AEBP2: variants seen among roughly 807,000 people sequenced by gnomAD.
The protein encoded by AEBP2 is zinc finger protein AEBP2.
AEBP2 carries 10 observed loss-of-function variants against 50.8 expected under a neutral mutation model. That is an observed-to-expected ratio of 0.20 (90% confidence interval 0.12 to 0.33). The LOEUF (loss-of-function observed/expected upper bound fraction) is 0.33. AEBP2 is among the 10% of genes least tolerant of loss of function. AEBP2 has a pLI of 1.00. For synonymous variants in AEBP2, 296 were observed against 261.3 expected (o/e 1.13, Z -1.28); for missense variants, 570 against 688.0 (o/e 0.83, Z 1.92).
intron 1 of AEBP2, among the ~76,000 whole-genome samples, chr12:19,461,311 A>G (rs1370448786): frequency 1.3e-5 from 2 of 152,202 alleles, no homozygotes; most frequent in African/African-American, 2.4e-5. Flanking sequence ...AAAAAAGAAA[A>G]TAAGTGAATT....
At position 19,439,955 on chromosome 12, in the gene AEBP2, A is replaced by G; in HGVS notation, c.256A>G (p.Ser86Gly). 6.6e-7 allele frequency: 1 copy of G among 1,514,338 alleles called. No homozygotes were observed. The highest frequency in any genetic ancestry group is 8.8e-7 in the Non-Finnish European group (1 of 1,138,988). 93.8% of individuals were successfully genotyped at this position (1,514,338 alleles called of 1,614,324 possible). A position where few individuals can be genotyped will look rare whatever the true frequency, so the allele number is the denominator to read the frequency against. The change falls in exon 1 of 8, where the codon AGC (serine) becomes GGC (glycine). Residue 86 changes from serine to glycine, a missense_variant. Ser to Gly is a moderately conservative substitution (Grantham distance 56, BLOSUM62 0). This residue lies in a region of AEBP2 where 386 missense variants were observed against 336.8 expected (regional missense o/e 1.15). Transcript: ENST00000266508. Reference sequence around the variant, plus strand: ...CGAGGCAGAGACGATGTCGGAGCCGAGCCCCGAGAGCGCCAGCCAGGCCGG... The same window carrying G: ...CGAGGCAGAGACGATGTCGGAGCCGGGCCCCGAGAGCGCCAGCCAGGCCGG... Reference protein sequence around the residue: ...GGEAETMSEPSPESASQAGED... With the variant: ...GGEAETMSEPGPESASQAGED...
rs768416396 is a variant in AEBP2 at position 19,427,400 on chromosome 12, C to G, written c.-17+23184C>G. ...CTCAAAAAAAAAAAAAAAAAAAAAACGCAGAGGAAGGGTGAACTCTCTCTG... is the reference window on the plus strand; with the variant it reads ...CTCAAAAAAAAAAAAAAAAAAAAAAGGCAGAGGAAGGGTGAACTCTCTCTG... On this transcript the variant is annotated intron_variant, in intron 1 of 3. Transcript: ENST00000538425. Among the ~76,000 whole-genome samples the G allele has an allele frequency of 1.6e-3, 208 of 128,656 alleles. 2 individuals carry two copies. The highest frequency in any genetic ancestry group is 2.6e-3 in the Non-Finnish European group (158 of 61,024). The allele number at this position is 128,656 out of a possible 152,430, so 84.4% of individuals were successfully genotyped here. A position where few individuals can be genotyped will look rare whatever the true frequency, so the allele number is the denominator to read the frequency against.
chr12:19,482,137 G>A (rs148281233), intron 3 of AEBP2, among the ~76,000 whole-genome samples: 2 of 152,136 alleles, frequency 1.3e-5, no homozygotes, highest in East Asian at 3.9e-4. Context: ...TAGGGATGGG[G>A]CTTCCTGAGA....
At chr12:19,460,905 C>A (rs969407078) in intron 1 of AEBP2, among the ~76,000 whole-genome samples, 2 of 152,088 alleles carry the variant, frequency 1.3e-5, no homozygotes, top group African/African-American at 4.8e-5. Flanking sequence ...CTGCCTGCTG[C>A]GGCCTCCCAA....
At position 19,410,613 on chromosome 12, in the gene AEBP2, C is replaced by G. The variant is rs576191932; in HGVS notation, c.-17+6397C>G. On this transcript the variant is annotated intron_variant, in intron 1 of 3. Coordinates refer to the AEBP2 transcript ENST00000538425. Reference sequence around the variant, plus strand: ...TTTCGTGACCTTCATCTACCCCCTTCCCCAACCAAAAGATTTTTGTATTCT... The same window carrying G: ...TTTCGTGACCTTCATCTACCCCCTTGCCCAACCAAAAGATTTTTGTATTCT... 2.6e-5 allele frequency among the ~76,000 whole-genome samples: 4 copies of G among 152,256 alleles called. 1 individual carries two copies. Among genetic ancestry groups the G allele is most frequent in the African/African-American group, 9.6e-5 (4 of 41,560 alleles).
intron 1 of AEBP2, among the ~76,000 whole-genome samples, chr12:19,444,589 A>G (rs190575385): frequency 2.2e-4 from 34 of 152,324 alleles, no homozygotes; most frequent in African/African-American, 7.7e-4. Flanking sequence ...CTATATTTCA[A>G]TTTTTGAGTA....
At chr12:19,474,847 C>T (rs1444462604) in intron 3 of AEBP2, among the ~76,000 whole-genome samples, 1 of 151,886 alleles carries the variant, frequency 6.6e-6, no homozygotes, top group Non-Finnish European at 1.5e-5. Context: ...GGCTGGGGTA[C>T]AGTGGCATGA....
At chr12:19,465,103 G>A (rs79307334) in intron 2 of AEBP2, among the ~76,000 whole-genome samples, 3,233 of 152,096 alleles carry the variant, frequency 0.021, 41 homozygotes, top group East Asian at 0.043. Context: ...TTTTAAGAGT[G>A]ATGCTGTTTG....
At chr12:19,430,993 T>C (rs2095751122) in intron 1 of AEBP2, among the ~76,000 whole-genome samples, 5 of 132,692 alleles carry the variant, frequency 3.8e-5, no homozygotes, top group Admixed American at 3.4e-4. Flanking sequence ...GTCCAGGCAA[T>C]AGAGCCAGAC....
intron 3 of AEBP2, among the ~76,000 whole-genome samples, chr12:19,480,668 T>C (rs1171665933): frequency 1.3e-5 from 2 of 152,228 alleles, no homozygotes; most frequent in African/African-American, 4.8e-5. Flanking sequence ...GTTAATCTGA[T>C]AGGTTTTTCT....
intron 5 of AEBP2, chr12:19,509,045 A>G: frequency 1.7e-6 from 1 of 591,686 alleles, no homozygotes; most frequent in South Asian, 1.5e-5. Flanking sequence ...TGCATGTGGC[A>G]TGTGCCCAGG....
intron 6 of AEBP2, among the ~76,000 whole-genome samples, chr12:19,512,763 C>A (rs1949254161): frequency 6.6e-6 from 1 of 151,764 alleles, no homozygotes. Flanking sequence ...GCCTGGCCAA[C>A]GTGGTAAAAC....
rs924244458 is a variant in AEBP2 at position 19,519,338 on chromosome 12, C to T, written c.*1221C>T. Reference sequence around the variant, plus strand: ...AGGATATTGTACTTCACTAGTGCTGCCAGAGGAATTGTTAATAAAAGCACC... The same window carrying T: ...AGGATATTGTACTTCACTAGTGCTGTCAGAGGAATTGTTAATAAAAGCACC... On this transcript the variant is annotated 3_prime_UTR_variant, in exon 8 of 8. Coordinates refer to ENST00000266508, the MANE Select transcript of AEBP2 (RefSeq NM_153207.5). The T allele has an allele frequency of 3.3e-5, 5 of 152,432 alleles. No homozygotes were observed. Among genetic ancestry groups the T allele is most frequent in the African/African-American group, 7.2e-5 (3 of 41,414 alleles). 9.4% of individuals were successfully genotyped at this position (152,432 alleles called of 1,614,324 possible).
Position 19,493,655 on chromosome 12 carries a change from C to T in AEBP2, c.988-145C>T, listed in dbSNP as rs550173598. On this transcript the variant is annotated intron_variant, in intron 3 of 7. Transcript: ENST00000266508. ...CAACTTACTTCGTAAAGTGAAAAGA[C>T]TACTAGTCCCTTATGCTTCCTTTCT... The T allele has an allele frequency of 5.4e-6, 4 of 741,330 alleles. No homozygotes were observed. In the South Asian group the frequency reaches 9.5e-5, roughly 18 times the overall value. The allele number at this position is 741,330 out of a possible 1,614,324, so 45.9% of individuals were successfully genotyped here. A position where few individuals can be genotyped will look rare whatever the true frequency, so the allele number is the denominator to read the frequency against.
chr12:19,425,768 C>T (rs1348100770), intron 1 of AEBP2, among the ~76,000 whole-genome samples: 32 of 119,166 alleles, frequency 2.7e-4, no homozygotes, highest in African/African-American at 1.0e-3. Flanking sequence ...AGTGAGACTC[C>T]ATCTCAAAAA....
intron 6 of AEBP2, 109 bp downstream of exon 6, chr12:19,512,574 T>C: frequency 2.5e-6 from 2 of 792,544 alleles, no homozygotes; most frequent in African/African-American, 3.5e-5. Context: ...AATTACATTT[T>C]ACAACGTTTT....
intron 5 of AEBP2, among the ~76,000 whole-genome samples, chr12:19,505,926 C>A (rs12822239): frequency 0.09 from 13,676 of 151,864 alleles, 698 homozygotes; most frequent in Middle Eastern, 0.15. Context: ...TAGGAGCACA[C>A]CACGATGCCT....
In AEBP2 at chr12:19,481,679, G is replaced by A. The variant is rs577391679; in HGVS notation, c.987+8324G>A. ...TTTTTAGTAGAGACGGGGTTTCACC[G>A]TGGTGGCAAGGCTGGCCTTGAACTC... On this transcript the variant is annotated intron_variant, in intron 3 of 7. Transcript: ENST00000266508. Among the ~76,000 whole-genome samples the A allele has an allele frequency of 8.7e-4, 132 of 151,730 alleles. No homozygotes were observed. In the South Asian group the frequency reaches 9.4e-3, roughly 11 times the overall value.
intron 2 of AEBP2, among the ~76,000 whole-genome samples, chr12:19,465,170 G>A (rs971813004): frequency 8.6e-5 from 13 of 151,806 alleles, no homozygotes; most frequent in African/African-American, 3.1e-4. Context: ...TGAGGCGCGC[G>A]GATCACGGGG....
Sources: allele counts gnomAD v4.1 joint callset (sites outside exome capture counted in the v4.1 genomes callset), GRCh38; gene constraint gnomAD v4.1.1; regional missense constraint gnomAD v4.1.1; transcripts MANE v1.5; gene names NCBI Gene and HGNC (gene_info 2026-07-23, HGNC 2026-07-21).